C5orf63: variants seen among roughly 807,000 people sequenced by gnomAD.
The protein encoded by C5orf63 is chromosome 5 open reading frame 63.
A neutral mutation model predicts 13.3 loss-of-function variants in C5orf63; 18 were observed. That is an observed-to-expected ratio of 1.36 (90% CI 0.94 to 2.01). The LOEUF (loss-of-function observed/expected upper bound fraction) is 2.01. Among genes scored for constraint, C5orf63 ranks in the 30% most tolerant of loss-of-function variants. C5orf63 has a pLI of 0.00. For missense variants in C5orf63, 118 were observed against 127.7 expected (o/e 0.92, Z 0.36); for synonymous variants, 38 against 44.7 (o/e 0.85, Z 0.60).
At chr5:127,072,919 A>G (rs576479037) in intron 1 of C5orf63, among the ~76,000 whole-genome samples, 4 of 152,338 alleles carry the variant, frequency 2.6e-5, no homozygotes, top group East Asian at 1.9e-4. Flanking sequence ...CTTTTGCCCA[A>G]TAAGGCTGAG....
At chr5:127,067,281 A>T (rs114767313) in intron 2 of C5orf63, among the ~76,000 whole-genome samples, 3,441 of 152,336 alleles carry the variant, frequency 0.023, 121 homozygotes, top group African/African-American at 0.071. Flanking sequence ...ATTACTAAAA[A>T]TACTAAAAGT....
Position 127,051,618 on chromosome 5 carries a change from A to G in C5orf63, c.*153T>C. 7.8e-7 allele frequency: 1 copy of G among 1,289,504 alleles called. No individual in the cohort carries two copies. The highest frequency in any genetic ancestry group is 9.8e-7 in the Non-Finnish European group (1 of 1,020,410). 79.9% of individuals were successfully genotyped at this position (1,289,504 alleles called of 1,614,324 possible). ...AGTTCCCACACTGATACTTCCATCA[A>G]CCAAAAGGGGAATGTCAACATTTAT... On this transcript the variant is annotated 3_prime_UTR_variant, in exon 5 of 5. Transcript: ENST00000296662.
chr5:127,069,243 G>A (rs1264309080), intron 2 of C5orf63, among the ~76,000 whole-genome samples: 1 of 152,130 alleles, frequency 6.6e-6, no homozygotes, highest in African/African-American at 2.4e-5. Context: ...AAGTATATAA[G>A]GAATTAGGCA....
chr5:127,062,104 T>C (rs1561491354), intron 2 of C5orf63, among the ~76,000 whole-genome samples: 1 of 152,246 alleles, frequency 6.6e-6, no homozygotes. Flanking sequence ...GAAATCTGCT[T>C]CAGTTTTTCC....
chr5:127,045,339 T>C (rs1483396876), exon 5 of C5orf63: 1 of 152,212 alleles, frequency 6.6e-6, no homozygotes, highest in Admixed American at 6.5e-5. Flanking sequence ...GGGGATAATC[T>C]GTTTTCTTTT....
intron 2 of C5orf63, among the ~76,000 whole-genome samples, chr5:127,062,447 T>A (rs1323843483): frequency 6.6e-6 from 1 of 152,240 alleles, no homozygotes; most frequent in African/African-American, 2.4e-5. Context: ...ATTAACTTAT[T>A]TCTTTGGAAG....
rs779504677 is a variant in C5orf63 at position 127,059,036 on chromosome 5, T to C, written c.-7-34A>G. On this transcript the variant is annotated intron_variant, in intron 2 of 4. Transcript: ENST00000296662. The stretch of plus-strand genomic sequence containing the variant: ...AGAAAAATAAAGCAGTAAACTTATG[T>C]GCCCTAGACTTTGTTCCTTACAATA... 1.4e-5 allele frequency: 17 copies of C among 1,239,724 alleles called. No homozygotes were observed. The South Asian group carries it at 2.1e-4, about 15-fold the overall frequency. 76.8% of individuals were successfully genotyped at this position (1,239,724 alleles called of 1,614,324 possible).
intron 3 of C5orf63, among the ~76,000 whole-genome samples, chr5:127,057,384 G>T (rs932369193): frequency 6.6e-6 from 1 of 152,058 alleles, no homozygotes; most frequent in Non-Finnish European, 1.5e-5. Flanking sequence ...CTATTAACCT[G>T]CACTTTATTT....
chr5:127,064,209 A>C (rs1754231986), intron 2 of C5orf63, among the ~76,000 whole-genome samples: 1 of 152,190 alleles, frequency 6.6e-6, no homozygotes, highest in Admixed American at 6.5e-5. Flanking sequence ...ACCAAAACTG[A>C]AAATTGAGTA....
At chr5:127,054,620 T>C (rs1287414128) in intron 3 of C5orf63, among the ~76,000 whole-genome samples, 2 of 152,232 alleles carry the variant, frequency 1.3e-5, no homozygotes, top group African/African-American at 2.4e-5. Context: ...AAGTTCTTTG[T>C]AGATTCTGGA....
Position 127,051,818 on chromosome 5 carries a change from G to A in C5orf63, c.301C>T (p.Leu101Phe). The A allele has an allele frequency of 6.5e-7, 1 of 1,533,424 alleles. No individual in the cohort carries two copies. Among genetic ancestry groups the A allele is most frequent in the Non-Finnish European group, 8.7e-7 (1 of 1,145,448 alleles). The allele number at this position is 1,533,424 out of a possible 1,614,324, so 95.0% of individuals were successfully genotyped here. ...LMMHRVNTSK[L>F]EKQLLKLEQQ... is the part of the protein sequence containing the mutation. ...TCAAGTTTCAGGAGCTGTTTTTCAA[G>A]TTTTGAGGTGTTTACTCGATGCATC... Residue 101 changes from leucine to phenylalanine, a missense_variant, in exon 5 of 5, where the codon CTT (leucine) becomes TTT (phenylalanine). Transcript: ENST00000296662.
exon 5 of C5orf63, chr5:127,045,863 G>A (rs571425261): frequency 6.6e-6 from 1 of 152,268 alleles, no homozygotes; most frequent in South Asian, 2.1e-4. Flanking sequence ...TTTATCCCCA[G>A]TGCTTGGAAT....
At chr5:127,070,875 C>T (rs1009717532) in intron 2 of C5orf63, among the ~76,000 whole-genome samples, 1 of 152,196 alleles carries the variant, frequency 6.6e-6, no homozygotes, top group Admixed American at 6.5e-5. Flanking sequence ...CCTTGGAAGG[C>T]AGTTTGAGGA....
At chr5:127,073,148 T>A (rs1306233300) in intron 1 of C5orf63, 1 of 151,648 alleles carries the variant, frequency 6.6e-6, no homozygotes, top group Non-Finnish European at 1.5e-5. Flanking sequence ...TGGAGGAGTA[T>A]GAAGTTGAGA....
downstream of C5orf63, chr5:127,043,559 G>A (rs1753453119): frequency 6.6e-6 from 1 of 152,148 alleles, no homozygotes; most frequent in Non-Finnish European, 1.5e-5. Flanking sequence ...CCCACAATCT[G>A]ATTTCTAAAT....
At position 127,052,698 on chromosome 5, in the gene C5orf63, T is replaced by G. The variant is rs111426882; in HGVS notation, c.115-29A>C. The G allele has an allele frequency of 4.5e-4, 662 of 1,462,388 alleles. 1 individual carries two copies. The African/African-American group carries it at 8.4e-3, about 19-fold the overall frequency. 90.6% of individuals were successfully genotyped at this position (1,462,388 alleles called of 1,614,324 possible). On this transcript the variant is annotated intron_variant, in intron 3 of 4. Transcript: ENST00000296662. ...CAGGAAGAAAAAAAACCCAAGCGAT[T>G]AAACCCAAAGAATGGCATTTGCCCT...
intron 2 of C5orf63, among the ~76,000 whole-genome samples, chr5:127,070,446 G>T (rs1754494996): frequency 6.6e-6 from 1 of 152,172 alleles, no homozygotes; most frequent in African/African-American, 2.4e-5. Context: ...TGCGATTTCT[G>T]CTGCAATCCC....
At chr5:127,061,521 C>T (rs1754105610) in intron 2 of C5orf63, among the ~76,000 whole-genome samples, 1 of 152,218 alleles carries the variant, frequency 6.6e-6, no homozygotes, top group African/African-American at 2.4e-5. Context: ...CAAGGATCTG[C>T]TATCCAGTTG....
intron 2 of C5orf63, among the ~76,000 whole-genome samples, chr5:127,059,819 G>A (rs17165249): frequency 0.02 from 3,110 of 151,932 alleles, 75 homozygotes; most frequent in South Asian, 0.12. Context: ...TATCCCTTAT[G>A]AGACCTATGC....
Sources: gnomAD v4.1 joint callset for allele counts (sites outside exome capture counted in the v4.1 genomes callset) on GRCh38, gnomAD v4.1.1 for gene constraint, MANE v1.5 for transcripts, NCBI Gene and HGNC (gene_info 2026-07-23, HGNC 2026-07-21) for gene names.